ZNF444: variants seen among roughly 807,000 people sequenced by gnomAD.
ZNF444 encodes zinc finger protein 444, also known as endothelial zinc finger protein 2.
In ZNF444, 8 loss-of-function variants were observed where a neutral mutation model predicts 14.4. The ratio of observed to expected loss-of-function variants is 0.56; its 90% CI spans 0.33 to 1.00. The LOEUF (loss-of-function observed/expected upper bound fraction) is 1.00. Among genes scored for constraint, ZNF444 ranks in the 50% least tolerant of loss-of-function variants. The probability of loss-of-function intolerance (pLI) is 0.03; values close to 1 mark genes in which losing one functional copy is unlikely to be tolerated. For missense variants in ZNF444, 510 were observed against 504.8 expected (o/e 1.01, Z -0.10); for synonymous variants, 258 against 235.9 (o/e 1.09, Z -0.86).
At chr19:56,152,005 T>C (rs939440388) in intron 3 of ZNF444, 4 of 431,572 alleles carry the variant, frequency 9.3e-6, no homozygotes, top group African/African-American at 6.2e-5. Context: ...CCTGTACTGG[T>C]AGAAAGCAGT....
chr19:56,142,069 C>A (rs1258755764), intron 1 of ZNF444, among the ~76,000 whole-genome samples: 30 of 152,148 alleles, frequency 2.0e-4, no homozygotes, highest in Non-Finnish European at 3.4e-4. Context: ...ACCTCTACCC[C>A]AGTCAGGATG....
intron 3 of ZNF444, chr19:56,156,317 G>A (rs568848114): frequency 3.0e-4 from 45 of 152,328 alleles, no homozygotes; most frequent in African/African-American, 9.1e-4. Context: ...ATGGAGACTT[G>A]GTTGAGAGGC....
At chr19:56,141,825 G>A (rs1262864939) in intron 1 of ZNF444, 1 of 152,144 alleles carries the variant, frequency 6.6e-6, no homozygotes, top group East Asian at 1.9e-4. Flanking sequence ...GGGGACGATG[G>A]TTATTGTTGT....
At chr19:56,149,791 A>G (rs1331491580) in intron 3 of ZNF444, 1 of 152,360 alleles carries the variant, frequency 6.6e-6, no homozygotes, top group African/African-American at 2.4e-5. Context: ...CAGTTCATCC[A>G]TGTCCCTGCA....
rs143260515 is a variant in ZNF444 at position 56,148,750 on chromosome 19, C to T, written c.297+1542C>T. ...AACGCAGCGGCTTACAAATCACAAA[C>T]GCAGCGGCTTAGAAATCACACAAGT... On this transcript the variant is annotated intron_variant, in intron 3 of 4. Transcript: ENST00000337080. Among the ~76,000 whole-genome samples, 65 of 152,190 alleles carry T rather than the reference C, an allele frequency of 4.3e-4. No individual in the cohort carries two copies. The East Asian group carries it at 0.01, about 24-fold the overall frequency.
chr19:56,148,132 A>G (rs926158167), intron 3 of ZNF444, among the ~76,000 whole-genome samples: 12 of 152,206 alleles, frequency 7.9e-5, no homozygotes, highest in Admixed American at 1.3e-4. Flanking sequence ...CATGGACCCC[A>G]ATGTGTTCAA....
intron 3 of ZNF444, among the ~76,000 whole-genome samples, chr19:56,153,524 G>T (rs563487891): frequency 6.6e-6 from 1 of 152,308 alleles, no homozygotes; most frequent in African/African-American, 2.4e-5. Flanking sequence ...TGATATACAG[G>T]ATTTGACAGG....
exon 1 of ZNF444, chr19:56,132,700 C>T (rs370986075): frequency 3.9e-5 from 6 of 152,094 alleles, no homozygotes; most frequent in Admixed American, 6.6e-5. Flanking sequence ...TCTGAGAAGC[C>T]GCGTTCATTC....
In ZNF444 at chr19:56,147,109, A is replaced by T. The variant is rs1338587929; in HGVS notation, c.198A>T (p.Glu66Asp). Residue 66 changes from glutamate (E) to aspartate (D), a missense_variant, in exon 3 of 5, where the codon GAA becomes GAT. Physicochemically the swap from Glu to Asp is conservative, Grantham distance 45. Transcript: ENST00000337080. The surrounding 1 kb of genome is among the most constrained non-coding windows in gnomAD (Gnocchi z 5.9). ...AGATGTTGGAGCTGCTGGTGCTGGA[A>T]CAGTTCCTGAGCGCGCTGCCCGCCG... Reference protein sequence around the residue: ...KEQMLELLVLEQFLSALPADT... With the variant: ...KEQMLELLVLDQFLSALPADT... The T allele has an allele frequency of 8.2e-6, 13 of 1,583,952 alleles. No individual in the cohort carries two copies. The highest frequency in any genetic ancestry group is 1.1e-5 in the Non-Finnish European group (13 of 1,168,968).
intron 1 of ZNF444, among the ~76,000 whole-genome samples, chr19:56,134,914 T>C (rs981351619): frequency 6.6e-6 from 1 of 151,714 alleles, no homozygotes. Context: ...GCCAGGAGTT[T>C]GTGAGACCTT....
intron 1 of ZNF444, among the ~76,000 whole-genome samples, chr19:56,133,490 T>G (rs914145983): frequency 1.3e-5 from 2 of 152,102 alleles, no homozygotes; most frequent in East Asian, 1.9e-4. Context: ...CCTGCTCCAC[T>G]GAGCCTCGAT....
chr19:56,138,792 C>CTTT (rs59273024), upstream of ZNF444, among the ~76,000 whole-genome samples: 76,923 of 92,816 alleles, frequency 0.83, 33,795 homozygotes, highest in South Asian at 0.94. Context: ...CTTGAATGTA[C>CTTT]TTTTTTTTTT....
In ZNF444 at chr19:56,158,515, G is replaced by A. The variant is rs61736532; in HGVS notation, c.319G>A (p.Gly107Arg). 9.1e-3 allele frequency: 14,685 copies of A among 1,611,006 alleles called. 101 individuals are homozygous for A. Among genetic ancestry groups the A allele is most frequent in the Non-Finnish European group, 0.011 (12,841 of 1,178,542 alleles). Residue 107 changes from glycine to arginine, a missense_variant, in exon 4 of 5, where the codon GGG (glycine) becomes AGG (arginine). Physicochemically the swap from Gly to Arg is moderately radical, Grantham distance 125. Transcript: ENST00000337080. ...TCAGGGGCCAGCAGCCTCCCCCGAT[G>A]GGTCGTCAGCAACGAGGGTGCCTCA... ...ELWGPAASPD[G>R]SSATRVPQDV...
chr19:56,133,812 C>CAAAA (rs67187542), intron 1 of ZNF444, among the ~76,000 whole-genome samples: 29 of 129,968 alleles, frequency 2.2e-4, no homozygotes, highest in African/African-American at 1.8e-4. Flanking sequence ...GACTCCATCT[C>CAAAA]AAAAAAAAAA....
At position 56,132,935 on chromosome 19, in the gene ZNF444, CTTTTTTTTTT is replaced by C. The variant is rs61365745; in HGVS notation, c.-197+168_-197+177del. Among the ~76,000 whole-genome samples, 4 of 94,262 alleles carry C rather than the reference CTTTTTTTTTT, an allele frequency of 4.2e-5. 1 individual carries two copies. The highest frequency in any genetic ancestry group is 4.2e-5 in the African/African-American group (1 of 23,650). 61.8% of individuals were successfully genotyped at this position (94,262 alleles called of 152,430 possible). On this transcript the variant is annotated intron_variant, in intron 1 of 2. Coordinates refer to the ZNF444 transcript ENST00000587467. ...TTTCTTTTTCTTTCTTTCTTTCTTT[CTTTTTTTTTT>C]TTTTTTTTTTGAGACAGAGTCTCAC...
In ZNF444 at chr19:56,144,557, G is replaced by A. The variant is rs943307484; in HGVS notation, c.-196-1690G>A. ...TAGGTGGCGAGAGTAGGCATACACG[G>A]GTCTTGTGGCAGCCGTCCCAGCAAT... On this transcript the variant is annotated intron_variant, in intron 1 of 4. Transcript: ENST00000337080. The surrounding 1 kb of genome is among the most constrained non-coding windows in gnomAD (Gnocchi z 4.0). Among the ~76,000 whole-genome samples, 1 of 152,150 alleles carries A rather than the reference G, an allele frequency of 6.6e-6. No homozygotes were observed. The highest frequency in any genetic ancestry group is 2.1e-4 in the South Asian group (1 of 4,830).
chr19:56,149,893 G>A (rs76753167), intron 3 of ZNF444: 1,603 of 154,654 alleles, frequency 0.01, 10 homozygotes, highest in Non-Finnish European at 0.016. Context: ...CATTCGGCCC[G>A]TCAGGATAGT....
chr19:56,152,350 T>A (rs1035477634), intron 3 of ZNF444, among the ~76,000 whole-genome samples: 21 of 145,150 alleles, frequency 1.4e-4, no homozygotes, highest in Middle Eastern at 3.5e-3. Context: ...AAAAAAAAAA[T>A]ACCGTTGCCG....
At chr19:56,139,824 A>G (rs1342535435), upstream of ZNF444, among the ~76,000 whole-genome samples, 5 of 152,228 alleles carry the variant, frequency 3.3e-5, no homozygotes, top group African/African-American at 1.2e-4. Context: ...GGGAAGGAAC[A>G]AATTTCTTCG....
Sources: gnomAD v4.1 joint callset for allele counts (sites outside exome capture counted in the v4.1 genomes callset) on GRCh38, gnomAD v4.1.1 for gene constraint, Gnocchi (gnomAD v3.1) non-coding constraint, MANE v1.5 for transcripts, NCBI Gene and HGNC (gene_info 2026-07-23, HGNC 2026-07-21) for gene names.